LMLN: variants seen among roughly 807,000 people sequenced by gnomAD.
LMLN encodes leishmanolysin like peptidase, also known as leishmanolysin-like peptidase.
LMLN carries 70 observed loss-of-function variants against 92.3 expected under a neutral mutation model. The observed-to-expected ratio is 0.76, with a 90% CI of 0.63 to 0.92. The LOEUF (loss-of-function observed/expected upper bound fraction) is 0.92, where lower values mean the gene tolerates loss of function less well. Among genes scored for constraint, LMLN ranks in the 40% least tolerant of loss-of-function variants. The probability of loss-of-function intolerance (pLI) is 0.00; values close to 1 mark genes in which losing one functional copy is unlikely to be tolerated. For missense variants in LMLN, 691 were observed against 814.6 expected (o/e 0.85, Z 1.85); for synonymous variants, 308 against 296.2 (o/e 1.04, Z -0.41).
At chr3:197,979,207 ATG>A (rs1721486630) in intron 5 of LMLN, among the ~76,000 whole-genome samples, 1 of 152,144 alleles carries the variant, frequency 6.6e-6, no homozygotes, top group Non-Finnish European at 1.5e-5. Context: ...AGAATAAACA[ATG>A]TGTATTTTCT....
intron 10 of LMLN, among the ~76,000 whole-genome samples, chr3:197,997,011 T>C (rs866109378): frequency 2.1e-5 from 3 of 141,904 alleles, no homozygotes; most frequent in Admixed American, 6.9e-5. Context: ...TTTTCTTTTC[T>C]TTTCCTTTCT....
intron 15 of LMLN, among the ~76,000 whole-genome samples, chr3:198,037,819 A>G (rs1261440148): frequency 6.6e-6 from 1 of 152,188 alleles, no homozygotes; most frequent in Admixed American, 6.5e-5. Context: ...AGTGCCCAAA[A>G]TCTGTAGAAT....
At chr3:198,009,627 T>A (rs999157563) in intron 11 of LMLN, among the ~76,000 whole-genome samples, 6 of 152,204 alleles carry the variant, frequency 3.9e-5, no homozygotes, top group Admixed American at 2.6e-4. Context: ...GTCTTAAAAT[T>A]GTGAATTATT....
chr3:198,018,496 T>C (rs879931753), intron 11 of LMLN, among the ~76,000 whole-genome samples: 1 of 152,244 alleles, frequency 6.6e-6, no homozygotes, highest in Non-Finnish European at 1.5e-5. Context: ...CCTGTTAGGC[T>C]GTGCTGCTTC....
At chr3:197,972,895 G>A (rs746968636) in intron 1 of LMLN, among the ~76,000 whole-genome samples, 1 of 152,090 alleles carries the variant, frequency 6.6e-6, no homozygotes, top group Non-Finnish European at 1.5e-5. Context: ...GGTACCTTCT[G>A]TGGCTTCTTC....
At chr3:198,000,477 G>C (rs549443922) in intron 11 of LMLN, among the ~76,000 whole-genome samples, 1 of 152,258 alleles carries the variant, frequency 6.6e-6, no homozygotes, top group Non-Finnish European at 1.5e-5. Flanking sequence ...ACCCAGGCTG[G>C]AGTGCAGTGG....
intron 5 of LMLN, among the ~76,000 whole-genome samples, chr3:197,978,269 C>T (rs1413715424): frequency 6.6e-6 from 1 of 152,174 alleles, no homozygotes; most frequent in Non-Finnish European, 1.5e-5. Flanking sequence ...AAGTGCTTTT[C>T]TTTCATAAGT....
At chr3:198,032,113 AAAAAG>A (rs1207045886) in intron 14 of LMLN, among the ~76,000 whole-genome samples, 5 of 151,892 alleles carry the variant, frequency 3.3e-5, no homozygotes, top group South Asian at 2.1e-4. Flanking sequence ...AAAAAAAAAA[AAAAAG>A]AAAAGAAAAG....
At chr3:197,996,391 A>T in intron 10 of LMLN, 109 bp downstream of exon 10, 1 of 604,612 alleles carries the variant, frequency 1.7e-6, no homozygotes, top group Non-Finnish European at 2.8e-6. Flanking sequence ...ACGTCCCTTT[A>T]CCCCTTCAGC....
exon 16 of LMLN, chr3:198,038,676 A>G: frequency 6.3e-7 from 1 of 1,575,824 alleles, no homozygotes. Context: ...AGGAATGGAA[A>G]AGTGGATCTT....
rs1265841310 is a variant in LMLN at position 197,995,304 on chromosome 3, C to T, written c.1048-871C>T. On this transcript the variant is annotated intron_variant, in intron 9 of 15. Transcript: ENST00000330198. ...TGCAGTTACTGGTAAGGCTTCTAGTCCATGGTAGGCTATTAATAGTTAAGT... is the reference window on the plus strand; with the variant it reads ...TGCAGTTACTGGTAAGGCTTCTAGTTCATGGTAGGCTATTAATAGTTAAGT... 2.0e-5 allele frequency among the ~76,000 whole-genome samples: 3 copies of T among 152,082 alleles called. No individual in the cohort carries two copies. The East Asian group carries it at 5.8e-4, about 29-fold the overall frequency.
intron 11 of LMLN, among the ~76,000 whole-genome samples, chr3:198,008,282 T>C (rs1241213319): frequency 3.3e-5 from 5 of 152,154 alleles, no homozygotes; most frequent in African/African-American, 1.2e-4. Context: ...CTTTTTCAAA[T>C]CTGACACATT....
intron 11 of LMLN, among the ~76,000 whole-genome samples, chr3:198,013,833 AC>A (rs1722528649): frequency 7.2e-6 from 1 of 139,514 alleles, no homozygotes; most frequent in Admixed American, 6.9e-5. Context: ...ACTTCTCTGT[AC>A]CCTTCAGAGC....
At chr3:197,979,843 G>T (rs1721507464) in intron 5 of LMLN, among the ~76,000 whole-genome samples, 1 of 152,078 alleles carries the variant, frequency 6.6e-6, no homozygotes, top group Non-Finnish European at 1.5e-5. Context: ...AAGGGGAGAT[G>T]ACTCATACCT....
At chr3:197,966,075 C>G (rs1489292278) in intron 1 of LMLN, among the ~76,000 whole-genome samples, 1 of 152,144 alleles carries the variant, frequency 6.6e-6, no homozygotes, top group African/African-American at 2.4e-5. Context: ...CAGAGTCTCT[C>G]TCCGTTGCCC....
intron 12 of LMLN, among the ~76,000 whole-genome samples, chr3:198,020,189 C>A (rs1417435023): frequency 1.3e-5 from 2 of 151,964 alleles, no homozygotes; most frequent in Non-Finnish European, 2.9e-5. Context: ...AGAGACAGGG[C>A]TTCACCATGT....
intron 9 of LMLN, among the ~76,000 whole-genome samples, chr3:197,992,572 T>C (rs1213945072): frequency 1.1e-4 from 17 of 152,196 alleles, no homozygotes; most frequent in South Asian, 4.1e-4. Context: ...ATACAACTTA[T>C]GAAGACTGAA....
chr3:197,977,507 C>G (rs1180212663), intron 5 of LMLN, among the ~76,000 whole-genome samples: 4 of 151,078 alleles, frequency 2.6e-5, no homozygotes, highest in Non-Finnish European at 5.9e-5. Context: ...AATGATCAAA[C>G]AATCTGGAAG....
intron 14 of LMLN, among the ~76,000 whole-genome samples, chr3:198,030,025 G>A (rs1044480594): frequency 6.6e-6 from 1 of 151,774 alleles, no homozygotes; most frequent in African/African-American, 2.4e-5. Context: ...TTTATTTTTA[G>A]TAGAGACAGG....
Sources: gnomAD v4.1 joint callset for allele counts (sites outside exome capture counted in the v4.1 genomes callset) on GRCh38, gnomAD v4.1.1 for gene constraint, MANE v1.5 for transcripts, NCBI Gene and HGNC (gene_info 2026-07-23, HGNC 2026-07-21) for gene names.